FRY: variants seen among roughly 807,000 people sequenced by gnomAD.
FRY encodes the protein FRY microtubule binding protein, also known as protein furry homolog.
FRY carries 128 observed loss-of-function variants against 348.4 expected under a neutral mutation model. The ratio of observed to expected loss-of-function variants is 0.37; its 90% confidence interval spans 0.32 to 0.43. FRY has a LOEUF of 0.43. Among genes scored for constraint, FRY ranks in the 20% least tolerant of loss-of-function variants. The pLI is 1.00. For synonymous variants in FRY, 1,370 were observed against 1,374.7 expected (o/e 1.00, Z 0.08); for missense variants, 2,736 against 3,695.2 (o/e 0.74, Z 6.73).
chr13:32,212,348 G>A lies in FRY; in HGVS notation c.4648G>A (p.Glu1550Lys). Residue 1550 changes from glutamate (E) to lysine (K), a missense_variant, in exon 35 of 61, where the codon GAG becomes AAG. This residue lies in a region of FRY where 794 missense variants were observed against 977.0 expected (regional missense o/e 0.81). Coordinates refer to ENST00000542859, the MANE Select transcript of FRY (RefSeq NM_023037.3). ...TGGCCAGGAAAATTTCCCAGATGCT[G>A]AGGAGAACAAGATATTGAAAGAATC... ...VAGQENFPDAEENKILKESDE... is the reference protein window; with the variant it reads ...VAGQENFPDAKENKILKESDE... The A allele has an allele frequency of 6.2e-7, 1 of 1,609,420 alleles. No homozygotes were observed. Among genetic ancestry groups the A allele is most frequent in the Non-Finnish European group, 8.5e-7 (1 of 1,176,522 alleles).
intron 33 of FRY, 63 bp from the exon 34 acceptor site, chr13:32,210,803 G>C (rs1884639862): frequency 7.5e-7 from 1 of 1,325,858 alleles, no homozygotes; most frequent in Non-Finnish European, 1.1e-6. Context: ...GAGGTTTACT[G>C]GCCTAGTGTT....
chr13:32,115,246 C>T (rs949342612), intron 3 of FRY, among the ~76,000 whole-genome samples: 2 of 152,198 alleles, frequency 1.3e-5, no homozygotes, highest in African/African-American at 4.8e-5. Flanking sequence ...CCTTTGCTCT[C>T]ATTTCCTGCT....
intron 1 of FRY, among the ~76,000 whole-genome samples, chr13:32,048,236 T>TA (rs1378534425): frequency 2.0e-5 from 3 of 152,212 alleles, no homozygotes; most frequent in African/African-American, 7.2e-5. Context: ...CGCCCCTCAG[T>TA]GGATGAGCAC....
At chr13:32,099,706 A>G (rs1030903605) in intron 2 of FRY, among the ~76,000 whole-genome samples, 3 of 152,032 alleles carry the variant, frequency 2.0e-5, no homozygotes, top group Non-Finnish European at 2.9e-5. Flanking sequence ...ACTATTCATG[A>G]TGAATATTTT....
intron 7 of FRY, among the ~76,000 whole-genome samples, chr13:32,126,786 T>C (rs1295026690): frequency 6.6e-6 from 1 of 152,260 alleles, no homozygotes; most frequent in African/African-American, 2.4e-5. Flanking sequence ...CTTAGAAAAG[T>C]ACTGTTTCCT....
At position 32,274,515 on chromosome 13, in the gene FRY, T is replaced by A. The variant is rs574059313; in HGVS notation, c.8137-327T>A. Among the ~76,000 whole-genome samples, 172 of 151,746 alleles carry A rather than the reference T, an allele frequency of 1.1e-3. 4 individuals are homozygous for A. The South Asian group carries it at 0.034, about 30-fold the overall frequency. ...AAGGTCAGATCGAGACCATCCTGGC[T>A]AACACAGTGAAACCCCGTCTCTACT... On this transcript the variant is annotated intron_variant, in intron 55 of 60. Coordinates refer to ENST00000542859, the MANE Select transcript of FRY (RefSeq NM_023037.3).
intron 1 of FRY, among the ~76,000 whole-genome samples, chr13:32,051,625 A>T (rs958531155): frequency 6.6e-6 from 1 of 152,248 alleles, no homozygotes; most frequent in Non-Finnish European, 1.5e-5. Context: ...TTGTATCAGG[A>T]AATCACAATT....
chr13:32,171,301 ATTCTTT>A, intron 18 of FRY, 31 bp downstream of exon 18: 25 of 663,098 alleles, frequency 3.8e-5, no homozygotes, highest in Non-Finnish European at 4.6e-5. Context: ...ATGAATTTAT[ATTCTTT>A]TTTTTTTTTT....
chr13:32,228,307 A>G (rs1456966578), intron 39 of FRY, 149 bp from the exon 40 acceptor site: 4 of 756,274 alleles, frequency 5.3e-6, no homozygotes, highest in African/African-American at 5.1e-5. Context: ...TGTCAGTCTC[A>G]TTTAATCATA....
chr13:32,110,157 T>G (rs1045485093), intron 3 of FRY, among the ~76,000 whole-genome samples: 8 of 152,214 alleles, frequency 5.3e-5, no homozygotes, highest in Non-Finnish European at 1.0e-4. Flanking sequence ...CTTTGAAGCT[T>G]ACTTTCACAA....
In FRY at chr13:32,178,539, A is replaced by G. The variant is rs1416201205; in HGVS notation, c.2681+103A>G. ...TGGGATGTTATCATCCCAATTTCTG[A>G]ACTTCCTACTAGAGAATTCTTAACA... On this transcript the variant is annotated intron_variant, in intron 21 of 60. Coordinates refer to ENST00000542859, the MANE Select transcript of FRY (RefSeq NM_023037.3). 4 of 1,268,688 alleles carry G rather than the reference A, an allele frequency of 3.2e-6. No homozygotes were observed. In the Admixed American group the frequency reaches 6.2e-5, roughly 20 times the overall value. The allele number at this position is 1,268,688 out of a possible 1,614,324, so 78.6% of individuals were successfully genotyped here.
intron 17 of FRY, among the ~76,000 whole-genome samples, chr13:32,161,869 A>C (rs1881461354): frequency 6.6e-6 from 1 of 152,234 alleles, no homozygotes; most frequent in South Asian, 2.1e-4. Flanking sequence ...ATTTTCTTTG[A>C]GTGAAATTAT....
chr13:32,250,395 C>A (rs777593239), intron 49 of FRY, among the ~76,000 whole-genome samples: 1 of 152,192 alleles, frequency 6.6e-6, no homozygotes, highest in Non-Finnish European at 1.5e-5. Context: ...AAACTGGATT[C>A]TTAGGCTGTC....
Position 32,297,553 on chromosome 13 carries a change from A to T in FRY, c.*2093A>T, listed in dbSNP as rs2138673563. On this transcript the variant is annotated 3_prime_UTR_variant, in exon 61 of 61. Coordinates refer to ENST00000542859, the MANE Select transcript of FRY (RefSeq NM_023037.3). ...GTACATTACAATCCAAGATATTAAC[A>T]TAGGAAGCAGTGGTCTGTGTTTTTC... 6.6e-6 allele frequency: 1 copy of T among 152,320 alleles called. No individual in the cohort carries two copies. The highest frequency in any genetic ancestry group is 1.9e-4 in the East Asian group (1 of 5,188). The allele number at this position is 152,320 out of a possible 1,614,324, so 9.4% of individuals were successfully genotyped here.
rs181722199 is a variant in FRY at position 32,297,730 on chromosome 13, A to G, written c.*2270A>G. 6.6e-6 allele frequency: 1 copy of G among 152,324 alleles called. No individual in the cohort carries two copies. Among genetic ancestry groups the G allele is most frequent in the African/African-American group, 2.4e-5 (1 of 41,562 alleles). The allele number at this position is 152,324 out of a possible 1,614,324, so 9.4% of individuals were successfully genotyped here. On this transcript the variant is annotated 3_prime_UTR_variant, in exon 61 of 61. Transcript: ENST00000542859. ...AGAGCCCAGCAATAACTTTAGATCT[A>G]CCAGTCAAATCTTGTCGGCTATTGC...
At chr13:32,221,795 G>A (rs2138399867) in intron 36 of FRY, among the ~76,000 whole-genome samples, 1 of 152,360 alleles carries the variant, frequency 6.6e-6, no homozygotes, top group South Asian at 2.1e-4. Flanking sequence ...TTACAGGCAT[G>A]AGCCACTGCG....
At chr13:32,119,280 C>T (rs921761585) in intron 4 of FRY, among the ~76,000 whole-genome samples, 1 of 152,092 alleles carries the variant, frequency 6.6e-6, no homozygotes, top group Non-Finnish European at 1.5e-5. Flanking sequence ...TAAGGAGGAG[C>T]ATAAACTACT....
chr13:32,257,627 C>T (rs1337177570), intron 51 of FRY, among the ~76,000 whole-genome samples: 2 of 132,888 alleles, frequency 1.5e-5, no homozygotes, highest in South Asian at 2.7e-4. Context: ...AGTTTTCTCA[C>T]GAATACATAT....
intron 14 of FRY, among the ~76,000 whole-genome samples, chr13:32,151,349 T>C (rs1434099168): frequency 2.0e-5 from 3 of 152,256 alleles, no homozygotes; most frequent in African/African-American, 7.2e-5. Flanking sequence ...TCTTCTTCCA[T>C]TTCTCGTGAT....
Sources: gnomAD v4.1 joint callset for allele counts (sites outside exome capture counted in the v4.1 genomes callset) on GRCh38, gnomAD v4.1.1 for gene constraint, gnomAD v4.1.1 regional missense constraint, MANE v1.5 for transcripts, NCBI Gene and HGNC (gene_info 2026-07-23, HGNC 2026-07-21) for gene names.